The following ITSN2 variants were observed in gnomAD, a reference collection of about 807,000 sequenced individuals.
ITSN2 encodes the protein intersectin-2.
Under a neutral mutation model 243.7 loss-of-function variants are expected in ITSN2, and 156 were observed. The ratio of observed to expected loss-of-function variants is 0.64; its 90% CI spans 0.56 to 0.73. The LOEUF (loss-of-function observed/expected upper bound fraction) is 0.73, where lower values mean the gene tolerates loss of function less well. Among genes scored for constraint, ITSN2 ranks in the 30% least tolerant of loss-of-function variants. The pLI is 0.00. For missense variants in ITSN2, 1,801 were observed against 1,996.1 expected (o/e 0.90, Z 1.86); for synonymous variants, 703 against 699.9 (o/e 1.00, Z -0.07).
rs1558650549 is a variant in ITSN2, at chr2:24,337,333, T to TATATATATATATATATATATATATAC, written c.-33-9219_-33-9218insGTATATATATATATATATATATATAT. On this transcript the variant is annotated intron_variant, in intron 1 of 39. Transcript: ENST00000355123. The stretch of plus-strand genomic sequence containing the variant: ...TACACAAAATATATATATATATATA[T>TATATATATATATATATATATATATAC]ATATATATATATATATATATGTAAT... Among the ~76,000 whole-genome samples, 3 of 107,786 alleles carry TATATATATATATATATATATATATAC rather than the reference T, an allele frequency of 2.8e-5. 1 individual carries two copies. Among genetic ancestry groups the TATATATATATATATATATATATATAC allele is most frequent in the Non-Finnish European group, 5.7e-5 (3 of 52,926 alleles). 70.7% of individuals were successfully genotyped at this position (107,786 alleles called of 152,430 possible). A position where few individuals can be genotyped will look rare whatever the true frequency, so the allele number is the denominator to read the frequency against.
intron 7 of ITSN2, 153 bp from the exon 8 acceptor site, chr2:24,308,909 G>A (rs768010693): frequency 4.8e-5 from 29 of 604,598 alleles, no homozygotes; most frequent in Non-Finnish European, 5.3e-5. Flanking sequence ...AGCGGGGCTC[G>A]GTGAGTGGCA....
rs1324924681 is a variant in ITSN2, at chr2:24,343,560, T to C, written c.-33-15445A>G. Among the ~76,000 whole-genome samples, 4 of 152,304 alleles carry C rather than the reference T, an allele frequency of 2.6e-5. No individual in the cohort carries two copies. The East Asian group carries it at 5.8e-4, about 22-fold the overall frequency. The stretch of plus-strand genomic sequence containing the variant: ...CATTCTTCATACATGTGTGTAAATA[T>C]AGGTCTGTGGACAGATATGTGCTTC... On this transcript the variant is annotated intron_variant, in intron 1 of 39. Transcript: ENST00000355123.
chr2:24,331,375 CT>C (rs879645468), intron 1 of ITSN2, among the ~76,000 whole-genome samples: 633 of 144,022 alleles, frequency 4.4e-3, no homozygotes, highest in Middle Eastern at 0.011. Context: ...GCCCAGCCTA[CT>C]TTTTTTTTTT....
intron 36 of ITSN2, among the ~76,000 whole-genome samples, chr2:24,208,539 G>A (rs1006992632): frequency 7.9e-5 from 12 of 152,196 alleles, no homozygotes; most frequent in East Asian, 1.9e-4. Flanking sequence ...CCAGGCACTC[G>A]CAAGGCGCTG....
chr2:24,325,215 C>G (rs1481942279), intron 2 of ITSN2, among the ~76,000 whole-genome samples: 1 of 151,986 alleles, frequency 6.6e-6, no homozygotes, highest in Non-Finnish European at 1.5e-5. Flanking sequence ...TCAAGACCAG[C>G]TTGGACAAGA....
At chr2:24,219,074 A>G (rs1230485941) in intron 30 of ITSN2, among the ~76,000 whole-genome samples, 1 of 152,064 alleles carries the variant, frequency 6.6e-6, no homozygotes, top group African/African-American at 2.4e-5. Context: ...CCCTCCATAC[A>G]TGCCATCCCA....
At chr2:24,295,341 C>CTA (rs1313276699) in intron 14 of ITSN2, among the ~76,000 whole-genome samples, 1 of 152,204 alleles carries the variant, frequency 6.6e-6, no homozygotes, top group Non-Finnish European at 1.5e-5. Flanking sequence ...GAATCTCGCT[C>CTA]TATCATCCAT....
chr2:24,327,763 C>CTTATA (rs1685315480), intron 2 of ITSN2, among the ~76,000 whole-genome samples: 2 of 152,086 alleles, frequency 1.3e-5, no homozygotes, highest in Non-Finnish European at 2.9e-5. Context: ...TAATAGTCAC[C>CTTATA]TTATAGCACT....
chr2:24,209,622 T>C (rs746601993), intron 35 of ITSN2, among the ~76,000 whole-genome samples, 196 bp downstream of exon 35: 3 of 152,182 alleles, frequency 2.0e-5, no homozygotes, highest in Non-Finnish European at 4.4e-5. Context: ...GGAATCTGGC[T>C]GATGGCCTGT....
Position 24,261,658 on chromosome 2 carries a change from C to G in ITSN2, c.2440G>C (p.Glu814Gln). The G allele has an allele frequency of 6.2e-7, 1 of 1,613,210 alleles. No individual in the cohort carries two copies. Among genetic ancestry groups the G allele is most frequent in the Non-Finnish European group, 8.5e-7 (1 of 1,179,346 alleles). The change falls in exon 21 of 40, where the codon GAA becomes CAA. Residue 814 changes from glutamate (E) to glutamine (Q), a missense_variant. Glu to Gln is a conservative substitution (Grantham distance 29). Transcript: ENST00000355123. ...NFGWFPCNYV[E>Q]KMPSSENEKA... ...TCATTTTCACTTGATGGCATTTTTTCTACATAATTGCATGGAAACCAGCCA... is the reference window on the plus strand; with the variant it reads ...TCATTTTCACTTGATGGCATTTTTTGTACATAATTGCATGGAAACCAGCCA...
chr2:24,358,380 A>G (rs1211528027), intron 1 of ITSN2, among the ~76,000 whole-genome samples: 7 of 152,198 alleles, frequency 4.6e-5, no homozygotes, highest in Non-Finnish European at 7.3e-5. Context: ...TGATGGGAAG[A>G]TAATAATTAC....
intron 37 of ITSN2, among the ~76,000 whole-genome samples, chr2:24,207,991 G>C (rs1395328613): frequency 2.0e-5 from 3 of 151,962 alleles, no homozygotes; most frequent in Non-Finnish European, 4.4e-5. Context: ...CAGTGGAGTG[G>C]GGGGGATAGA....
chr2:24,332,006 G>A (rs1685840789), intron 1 of ITSN2, among the ~76,000 whole-genome samples: 1 of 152,218 alleles, frequency 6.6e-6, no homozygotes. Flanking sequence ...CACTTTGGGA[G>A]GCCAAGGCAG....
chr2:24,216,438 G>A, intron 31 of ITSN2: 1 of 420,948 alleles, frequency 2.4e-6, no homozygotes, highest in Non-Finnish European at 4.2e-6. Flanking sequence ...TGTCAGCAAA[G>A]AAAAAAAAAG....
At chr2:24,346,520 C>T (rs1011046096) in intron 1 of ITSN2, among the ~76,000 whole-genome samples, 4 of 152,016 alleles carry the variant, frequency 2.6e-5, no homozygotes, top group Non-Finnish European at 5.9e-5. Context: ...TGGAACAGAA[C>T]AAGGATATTA....
intron 1 of ITSN2, among the ~76,000 whole-genome samples, chr2:24,352,398 CAAATT>C (rs1219398806): frequency 6.6e-6 from 1 of 152,004 alleles, no homozygotes; most frequent in Non-Finnish European, 1.5e-5. Context: ...TTTACTGAAA[CAAATT>C]AGAGTTGTGC....
chr2:24,251,853 A>G (rs1398695429), intron 25 of ITSN2, among the ~76,000 whole-genome samples: 1 of 152,072 alleles, frequency 6.6e-6, no homozygotes, highest in Non-Finnish European at 1.5e-5. Context: ...TACTTTAAAA[A>G]AGCCTATGGG....
intron 30 of ITSN2, chr2:24,220,195 G>A (rs1245566350): frequency 1.9e-5 from 6 of 313,762 alleles, no homozygotes; most frequent in Non-Finnish European, 2.8e-5. Context: ...CCAGGTATAC[G>A]CTGCACCTGT....
chr2:24,348,267 TG>T (rs370891628), intron 1 of ITSN2, among the ~76,000 whole-genome samples: 169 of 145,624 alleles, frequency 1.2e-3, no homozygotes, highest in African/African-American at 3.9e-3. Flanking sequence ...CTCCACCTTC[TG>T]GGTTCAAGCG....
Sources: allele counts gnomAD v4.1 joint callset (sites outside exome capture counted in the v4.1 genomes callset), GRCh38; gene constraint gnomAD v4.1.1; transcripts MANE v1.5; gene names NCBI Gene and HGNC (gene_info 2026-07-23, HGNC 2026-07-21).